FANCM: variants seen among roughly 807,000 people sequenced by gnomAD.
The protein encoded by FANCM is FA complementation group M.
Under a neutral mutation model 199.5 loss-of-function variants are expected in FANCM, and 140 were observed. The observed-to-expected ratio is 0.70, with a 90% CI of 0.61 to 0.81. The LOEUF (loss-of-function observed/expected upper bound fraction) is 0.81. Ranked by LOEUF, FANCM falls within the 30% of genes least tolerant of loss-of-function variation. FANCM has a pLI of 0.00. For missense variants in FANCM, 2,410 were observed against 2,421.4 expected (o/e 1.00, Z 0.10); for synonymous variants, 840 against 836.8 (o/e 1.00, Z -0.07).
chr14:45,183,740 T>TAAAA, intron 16 of FANCM, 34 bp from the exon 17 acceptor site: 1 of 1,538,720 alleles, frequency 6.5e-7, no homozygotes, highest in Non-Finnish European at 9.0e-7. Context: ...AAAATATTTT[T>TAAAA]TTCTTATGCA....
chr14:45,189,739 C>A (rs1889647086), intron 20 of FANCM, among the ~76,000 whole-genome samples: 1 of 152,074 alleles, frequency 6.6e-6, no homozygotes, highest in Admixed American at 6.6e-5. Context: ...GAGGCCGAGG[C>A]AGGTGGATCA....
chr14:45,162,152 A>ATTTG (rs910925226), intron 9 of FANCM, among the ~76,000 whole-genome samples: 1 of 152,170 alleles, frequency 6.6e-6, no homozygotes, highest in Non-Finnish European at 1.5e-5. Context: ...TTGGGAGGCC[A>ATTTG]AGGCAGGTGT....
rs2139247394 is a variant in FANCM at position 45,176,054 on chromosome 14, T to C, written c.3300T>C (p.Val1100=). The C allele has an allele frequency of 6.2e-7, 1 of 1,614,072 alleles. No individual in the cohort carries two copies. The highest frequency in any genetic ancestry group is 8.5e-7 in the Non-Finnish European group (1 of 1,179,960). ...AAAATTTAGTACCTAACAATCGTGT[T>C]CAAATACACAGAAGCCCTGCACAGA... ...QNENLVPNNR[V]QIHRSPAQNL... is the part of the protein sequence containing the mutation. The change falls in exon 14 of 23, where the codon GTT becomes GTC. Residue 1100 remains valine (V), a synonymous_variant. Coordinates refer to ENST00000267430, the MANE Select transcript of FANCM (RefSeq NM_020937.4).
chr14:45,140,350 C>A (rs548516019), intron 2 of FANCM, among the ~76,000 whole-genome samples: 2 of 152,332 alleles, frequency 1.3e-5, no homozygotes, highest in Admixed American at 1.3e-4. Flanking sequence ...AAGCGTGAGC[C>A]ACTGTGCCCA....
rs762921287 is a variant in FANCM at position 45,176,008 on chromosome 14, T to C, written c.3254T>C (p.Val1085Ala). The part of the protein sequence containing the change: ...SDEPSLCDCD[V>A]HKHNQNENLV... ...GAGCCAAGTCTCTGTGACTGTGATG[T>C]ACATAAACATAATCAAAATGAAAAT... Residue 1085 changes from valine to alanine, a missense_variant, in exon 14 of 23, where the codon GTA becomes GCA. Physicochemically the swap from Val to Ala is moderately conservative, Grantham distance 64. Coordinates refer to ENST00000267430, the MANE Select transcript of FANCM (RefSeq NM_020937.4). 5.6e-6 allele frequency: 9 copies of C among 1,613,600 alleles called. No individual in the cohort carries two copies. In the African/African-American group the frequency reaches 1.1e-4, roughly 19 times the overall value.
At chr14:45,150,243 ATTGAG>A (rs1886719174) in intron 4 of FANCM, among the ~76,000 whole-genome samples, 1 of 152,236 alleles carries the variant, frequency 6.6e-6, no homozygotes. Context: ...TCTAAGCATT[ATTGAG>A]TTAAGATATG....
chr14:45,161,962 C>A (rs1246438580), intron 9 of FANCM, among the ~76,000 whole-genome samples: 1 of 152,058 alleles, frequency 6.6e-6, no homozygotes, highest in Non-Finnish European at 1.5e-5. Context: ...TTTTGCAGGT[C>A]AAGCTGACAG....
intron 9 of FANCM, among the ~76,000 whole-genome samples, chr14:45,161,000 A>G (rs1309643199): frequency 1.3e-5 from 2 of 151,898 alleles, no homozygotes. Flanking sequence ...GGTGATTACT[A>G]CTCTTAACAT....
intron 12 of FANCM, among the ~76,000 whole-genome samples, chr14:45,172,434 A>T (rs1566758488): frequency 6.6e-6 from 1 of 152,144 alleles, no homozygotes; most frequent in South Asian, 2.1e-4. Flanking sequence ...GTATAAGGTG[A>T]GGGATGAGGA....
chr14:45,164,435 GAGA>G lies in FANCM; in HGVS notation c.1661_1663del (p.Glu554del). 6.2e-7 allele frequency: 1 copy of G among 1,613,562 alleles called. No homozygotes were observed. The highest frequency in any genetic ancestry group is 8.5e-7 in the Non-Finnish European group (1 of 1,179,966). On this transcript the variant is annotated inframe_deletion, in exon 10 of 23. Coordinates refer to ENST00000267430, the MANE Select transcript of FANCM (RefSeq NM_020937.4). ...GTGGGTGAAGAAGGTTTGGATATAG[GAGA>G]AGTTGATCTTATAATATGTTTTGAT...
chr14:45,168,704 A>G (rs1888139169), intron 11 of FANCM, among the ~76,000 whole-genome samples: 1 of 148,554 alleles, frequency 6.7e-6, no homozygotes, highest in South Asian at 2.1e-4. Context: ...ACTAATATAT[A>G]AAATATATAC....
At chr14:45,141,267 G>T (rs565996159) in intron 3 of FANCM, among the ~76,000 whole-genome samples, 6 of 127,666 alleles carry the variant, frequency 4.7e-5, no homozygotes, top group Non-Finnish European at 7.8e-5. Context: ...CAGCCTGGGC[G>T]ACAGAGCGAG....
intron 12 of FANCM, among the ~76,000 whole-genome samples, chr14:45,172,357 A>G (rs1011456292): frequency 2.6e-5 from 4 of 152,138 alleles, no homozygotes; most frequent in African/African-American, 7.2e-5. Flanking sequence ...AGTTTTTTCA[A>G]TGTGACAGAA....
intron 12 of FANCM, among the ~76,000 whole-genome samples, chr14:45,171,725 A>G (rs928252699): frequency 1.0e-4 from 14 of 137,130 alleles, no homozygotes; most frequent in African/African-American, 3.0e-4. Flanking sequence ...GTGTGTGTGC[A>G]TGTGTGTCAC....
chr14:45,151,263 T>C (rs1886796777), intron 4 of FANCM, 134 bp from the exon 5 acceptor site: 1 of 705,892 alleles, frequency 1.4e-6, no homozygotes. Context: ...TTATCATTGC[T>C]GAGTTTACTT....
intron 18 of FANCM, among the ~76,000 whole-genome samples, chr14:45,187,461 T>A (rs573657283): frequency 7.2e-5 from 11 of 152,250 alleles, no homozygotes; most frequent in African/African-American, 2.2e-4. Flanking sequence ...ATAAATCTGG[T>A]ACAGTTTTAA....
intron 14 of FANCM, among the ~76,000 whole-genome samples, chr14:45,178,015 A>G (rs1045343205): frequency 6.6e-6 from 1 of 152,236 alleles, no homozygotes; most frequent in Non-Finnish European, 1.5e-5. Context: ...CGTGCTGTAT[A>G]ATACAACTCT....
intron 14 of FANCM, among the ~76,000 whole-genome samples, chr14:45,180,675 A>G (rs994720461): frequency 7.9e-5 from 12 of 151,992 alleles, no homozygotes; most frequent in Admixed American, 2.0e-4. Context: ...GGCTCAAGTG[A>G]TCTGCCTCCT....
Position 45,198,520 on chromosome 14 carries a change from G to T in FANCM, c.5717-124G>T, listed in dbSNP as rs555727860. 4 of 587,236 alleles carry T rather than the reference G, an allele frequency of 6.8e-6. No homozygotes were observed. The Admixed American group carries it at 1.2e-4, about 18-fold the overall frequency. The allele number at this position is 587,236 out of a possible 1,614,324, so 36.4% of individuals were successfully genotyped here. On this transcript the variant is annotated intron_variant, in intron 21 of 22. Transcript: ENST00000267430. ...ACATTAGTTGTAGGGTTTCTCATTA[G>T]CAGAATGTGGCACCAGTTTGCTCAA...
Sources: gnomAD v4.1 joint callset for allele counts (sites outside exome capture counted in the v4.1 genomes callset) on GRCh38, gnomAD v4.1.1 for gene constraint, MANE v1.5 for transcripts, NCBI Gene and HGNC (gene_info 2026-07-23, HGNC 2026-07-21) for gene names.